MAGI1: variants seen among roughly 807,000 people sequenced by gnomAD.
MAGI1 encodes the protein membrane-associated guanylate kinase, WW and PDZ domain-containing protein 1.
A neutral mutation model predicts 139.9 loss-of-function variants in MAGI1; 58 were observed. That is an observed-to-expected ratio of 0.41 (90% CI 0.34 to 0.52). The LOEUF is 0.52. Ranked by LOEUF, MAGI1 falls within the 20% of genes least tolerant of loss-of-function variation. The pLI is 0.12. For missense variants in MAGI1, 1,874 were observed against 1,901.6 expected (o/e 0.99, Z 0.27); for synonymous variants, 812 against 737.9 (o/e 1.10, Z -1.63).
At chr3:65,363,707 C>A in intron 20 of MAGI1, 99 bp from the exon 21 acceptor site, 1 of 897,040 alleles carries the variant, frequency 1.1e-6, no homozygotes, top group East Asian at 2.6e-5. Flanking sequence ...CTATCCCCCT[C>A]TTGGTGACTC....
chr3:65,688,938 T>C (rs2088313420), intron 1 of MAGI1, among the ~76,000 whole-genome samples: 1 of 152,182 alleles, frequency 6.6e-6, no homozygotes, highest in Non-Finnish European at 1.5e-5. Context: ...TTTGTACCTT[T>C]ATTTTTCTAC....
chr3:65,847,386 T>C (rs570386790), intron 1 of MAGI1, among the ~76,000 whole-genome samples: 1 of 152,306 alleles, frequency 6.6e-6, no homozygotes, highest in East Asian at 1.9e-4. Context: ...GGTGGTTTTT[T>C]TTCCTCTAAA....
At chr3:65,775,224 T>C (rs944017644) in intron 1 of MAGI1, among the ~76,000 whole-genome samples, 1 of 152,002 alleles carries the variant, frequency 6.6e-6, no homozygotes, top group Admixed American at 6.6e-5. Flanking sequence ...GACAGATAGA[T>C]TCCTTGAGTC....
At chr3:65,464,079 G>T (rs1380068899) in intron 5 of MAGI1, among the ~76,000 whole-genome samples, 1 of 151,422 alleles carries the variant, frequency 6.6e-6, no homozygotes, top group Admixed American at 6.6e-5. Flanking sequence ...ATGACTTTAG[G>T]GTCCATAGTG....
intron 1 of MAGI1, among the ~76,000 whole-genome samples, chr3:66,006,291 G>T (rs1245254310): frequency 6.6e-6 from 1 of 152,138 alleles, no homozygotes; most frequent in Non-Finnish European, 1.5e-5. Flanking sequence ...AACTATTACT[G>T]CCAGTATTGG....
chr3:65,876,750 T>G (rs1228374376), intron 1 of MAGI1, among the ~76,000 whole-genome samples: 1 of 151,354 alleles, frequency 6.6e-6, no homozygotes, highest in Non-Finnish European at 1.5e-5. Context: ...TCATGCTTTT[T>G]TTTTTTTTTT....
intron 1 of MAGI1, among the ~76,000 whole-genome samples, chr3:65,860,437 T>C (rs942665375): frequency 2.0e-5 from 3 of 152,234 alleles, no homozygotes; most frequent in African/African-American, 4.8e-5. Context: ...CAGAGCCATC[T>C]TTACAGATAG....
chr3:65,503,009 C>T (rs957786900), intron 2 of MAGI1, among the ~76,000 whole-genome samples: 2 of 152,052 alleles, frequency 1.3e-5, no homozygotes, highest in Admixed American at 6.6e-5. Context: ...AAAAGGGTCA[C>T]GTGAATAAAT....
intron 17 of MAGI1, among the ~76,000 whole-genome samples, chr3:65,378,040 C>A (rs144520210): frequency 9.2e-5 from 14 of 152,318 alleles, no homozygotes; most frequent in Non-Finnish European, 1.5e-4. Context: ...ACAGCCTGCA[C>A]AGCCCTTCCC....
intron 2 of MAGI1, among the ~76,000 whole-genome samples, chr3:65,602,194 T>A (rs2082515155): frequency 6.6e-6 from 1 of 152,160 alleles, no homozygotes; most frequent in Non-Finnish European, 1.5e-5. Context: ...ACCAAATGAT[T>A]CCCTCAGTAT....
rs139336914 is a variant in MAGI1 at position 65,749,451 on chromosome 3, C to T, written c.314-127363G>A. 3.9e-5 allele frequency among the ~76,000 whole-genome samples: 6 copies of T among 152,156 alleles called. No homozygotes were observed. The East Asian group carries it at 1.2e-3, about 29-fold the overall frequency. ...AAACCAAACATCATACGTTCTCACT[C>T]ATAAGTGGGAGCTAAGCTATGAGGA... On this transcript the variant is annotated intron_variant, in intron 1 of 22. Transcript: ENST00000402939.
chr3:65,712,146 T>C (rs748283749), intron 1 of MAGI1, among the ~76,000 whole-genome samples: 6 of 152,150 alleles, frequency 3.9e-5, no homozygotes, highest in Non-Finnish European at 5.9e-5. Flanking sequence ...CCATGTGCCC[T>C]TCTCTTTAAT....
At chr3:65,394,150 C>G (rs924987921) in intron 13 of MAGI1, among the ~76,000 whole-genome samples, 1 of 152,164 alleles carries the variant, frequency 6.6e-6, no homozygotes. Context: ...GAACCTAGAT[C>G]TCTTACATTT....
At chr3:65,384,185 T>A (rs150550413) in intron 14 of MAGI1, among the ~76,000 whole-genome samples, 1 of 152,342 alleles carries the variant, frequency 6.6e-6, no homozygotes, top group Non-Finnish European at 1.5e-5. Flanking sequence ...CTAATAGGCT[T>A]TGTTAGATCA....
chr3:65,860,722 C>A (rs1218429980), intron 1 of MAGI1, among the ~76,000 whole-genome samples: 2 of 152,150 alleles, frequency 1.3e-5, no homozygotes, highest in Non-Finnish European at 2.9e-5. Context: ...AGGATGCGTG[C>A]GGTAGGTTCA....
intron 1 of MAGI1, among the ~76,000 whole-genome samples, chr3:65,717,293 T>G (rs188023171): frequency 2.1e-4 from 32 of 152,300 alleles, no homozygotes; most frequent in African/African-American, 7.0e-4. Context: ...AGGAAACATG[T>G]GGCAATACCT....
At chr3:66,002,072 G>A (rs927719829) in intron 1 of MAGI1, among the ~76,000 whole-genome samples, 1 of 152,160 alleles carries the variant, frequency 6.6e-6, no homozygotes, top group Non-Finnish European at 1.5e-5. Flanking sequence ...CATAGATTGA[G>A]TCTCATAAAC....
chr3:65,504,960 A>C (rs955605583), intron 2 of MAGI1, among the ~76,000 whole-genome samples: 4 of 152,216 alleles, frequency 2.6e-5, no homozygotes, highest in African/African-American at 9.6e-5. Context: ...AAACAGTATT[A>C]AAAAGCATCC....
At chr3:65,479,769 TA>T (rs1252883928) in intron 3 of MAGI1, among the ~76,000 whole-genome samples, 7 of 152,178 alleles carry the variant, frequency 4.6e-5, no homozygotes, top group African/African-American at 7.2e-5. Flanking sequence ...AAAAGTAAGC[TA>T]TTTTTTTAAA....
Sources: gnomAD v4.1 joint callset for allele counts (sites outside exome capture counted in the v4.1 genomes callset) on GRCh38, gnomAD v4.1.1 for gene constraint, MANE v1.5 for transcripts, NCBI Gene and HGNC (gene_info 2026-07-23, HGNC 2026-07-21) for gene names.